The following AQR variants were observed in gnomAD, a reference collection of about 807,000 sequenced individuals.
The protein encoded by AQR is RNA helicase aquarius.
A neutral mutation model predicts 180.5 loss-of-function variants in AQR; 61 were observed. The ratio of observed to expected loss-of-function variants is 0.34; its 90% CI spans 0.28 to 0.42. AQR has a LOEUF of 0.42. Ranked by LOEUF, AQR falls within the 10% of genes least tolerant of loss-of-function variation. AQR has a pLI of 1.00. For synonymous variants in AQR, 551 were observed against 588.8 expected, an observed-to-expected ratio of 0.94 and a Z score of 0.93; for missense variants, 1,281 against 1,798.3, an observed-to-expected ratio of 0.71 and a Z score of 5.20.
At chr15:34,901,736 C>A (rs76580417) in intron 19 of AQR, among the ~76,000 whole-genome samples, 2,760 of 152,294 alleles carry the variant, frequency 0.018, 75 homozygotes, top group African/African-American at 0.058. Flanking sequence ...CAGTACCTGA[C>A]ATTCTCTTGT....
chr15:34,893,848 C>T, intron 22 of AQR, 75 bp from the exon 23 acceptor site: 1 of 1,281,592 alleles, frequency 7.8e-7, no homozygotes. Context: ...ACGTGAAGTA[C>T]AGACCTGAAA....
At chr15:34,939,685 G>A (rs867814360) in intron 8 of AQR, among the ~76,000 whole-genome samples, 3 of 152,036 alleles carry the variant, frequency 2.0e-5, no homozygotes, top group African/African-American at 4.8e-5. Context: ...GAAGGGGAAC[G>A]GCTAAAATCT....
chr15:34,858,735 G>A (rs1892627075), intron 34 of AQR, among the ~76,000 whole-genome samples: 1 of 152,140 alleles, frequency 6.6e-6, no homozygotes, highest in African/African-American at 2.4e-5. Flanking sequence ...CATGGCAAAG[G>A]GACGGATATA....
intron 9 of AQR, 44 bp downstream of exon 9, chr15:34,938,693 C>T: frequency 8.2e-7 from 1 of 1,215,990 alleles, no homozygotes; most frequent in Non-Finnish European, 1.2e-6. Flanking sequence ...ATAGGGGCAG[C>T]TATATGATAA....
chr15:34,907,275 A>T (rs1030265355), intron 17 of AQR, among the ~76,000 whole-genome samples: 1 of 152,266 alleles, frequency 6.6e-6, no homozygotes, highest in African/African-American at 2.4e-5. Context: ...GAACATTTTT[A>T]TAAGTGAATG....
chr15:34,950,138 G>A (rs1187994643), intron 4 of AQR, among the ~76,000 whole-genome samples: 1 of 133,988 alleles, frequency 7.5e-6, no homozygotes, highest in African/African-American at 2.9e-5. Context: ...TTGCCAGGCT[G>A]GAGTGCAATG....
At chr15:34,873,337 A>G (rs1057505278) in intron 30 of AQR, among the ~76,000 whole-genome samples, 12 of 152,140 alleles carry the variant, frequency 7.9e-5, no homozygotes, top group African/African-American at 2.9e-4. Context: ...CCCCAAACCT[A>G]TCCCAACACT....
At chr15:34,963,334 T>C (rs1048591928) in intron 2 of AQR, among the ~76,000 whole-genome samples, 2 of 152,150 alleles carry the variant, frequency 1.3e-5, no homozygotes, top group Non-Finnish European at 2.9e-5. Flanking sequence ...ATTTGGGAAT[T>C]TGTCATATTA....
In AQR at chr15:34,882,772, TTC is replaced by T. The variant is rs1268072120; in HGVS notation, c.3028-135_3028-134del. The T allele has an allele frequency of 4.9e-6, 4 of 816,094 alleles. No homozygotes were observed. In the African/African-American group the frequency reaches 7.1e-5, roughly 14 times the overall value. 50.6% of individuals were successfully genotyped at this position (816,094 alleles called of 1,614,324 possible). A position where few individuals can be genotyped will look rare whatever the true frequency, so the allele number is the denominator to read the frequency against. On this transcript the variant is annotated intron_variant, in intron 26 of 34. Coordinates refer to ENST00000156471, the MANE Select transcript of AQR (RefSeq NM_014691.3). ...ATAAACTAAGCCTAATGAATTATAA[TTC>T]TGTTCATTATGATTTCGGTACTAAT...
At position 34,934,574 on chromosome 15, in the gene AQR, T is replaced by C. The variant is rs1190593884; in HGVS notation, c.780A>G (p.Leu260=). ...AAAGTCACGGTAGATTTCTTACCTC[T>C]AGATCAATCATAAGTTCAATGAATC... ...CERFIELMID[L]EALLPTRRWF... The change falls in exon 10 of 35, where the codon CTA becomes CTG. Residue 260 remains leucine, a synonymous_variant. Transcript: ENST00000156471. The C allele has an allele frequency of 1.3e-6, 2 of 1,592,996 alleles. No individual in the cohort carries two copies. Among genetic ancestry groups the C allele is most frequent in the Admixed American group, 1.8e-5 (1 of 55,280 alleles).
intron 29 of AQR, chr15:34,874,425 A>G (rs561421114): frequency 1.1e-4 from 48 of 452,290 alleles, no homozygotes; most frequent in Non-Finnish European, 1.6e-4. Flanking sequence ...AGAAAGGAGA[A>G]GGGACAATGA....
intron 34 of AQR, among the ~76,000 whole-genome samples, chr15:34,859,715 A>T (rs1206008465): frequency 6.6e-6 from 1 of 152,198 alleles, no homozygotes; most frequent in African/African-American, 2.4e-5. Flanking sequence ...GGACTGGTGA[A>T]GGGCAAGGAG....
intron 9 of AQR, among the ~76,000 whole-genome samples, chr15:34,937,585 A>G (rs897148251): frequency 3.9e-5 from 6 of 152,150 alleles, no homozygotes; most frequent in African/African-American, 1.4e-4. Flanking sequence ...TATTCCACTT[A>G]AAAATATTAA....
chr15:34,877,851 G>A (rs1892909579), intron 27 of AQR, among the ~76,000 whole-genome samples: 4 of 152,106 alleles, frequency 2.6e-5, no homozygotes, highest in South Asian at 2.1e-4. Context: ...GCAGGCCAGG[G>A]ACCAGGCTAG....
chr15:34,914,925 G>T, intron 16 of AQR, 113 bp downstream of exon 16: 1 of 1,117,858 alleles, frequency 8.9e-7, no homozygotes, highest in South Asian at 2.2e-5. Flanking sequence ...TCCTATTTTA[G>T]AGGGCACTTT....
rs1008825384 is a variant in AQR at position 34,961,771 on chromosome 15, C to A, written c.133-957G>T. On this transcript the variant is annotated intron_variant, in intron 2 of 34. Transcript: ENST00000156471. Reference sequence around the variant, plus strand: ...TGGAACTCTTAGGCAAGTGCCTGACCTCTCCAAGCCTCAGTTTCCTTACCC... The same window carrying A: ...TGGAACTCTTAGGCAAGTGCCTGACATCTCCAAGCCTCAGTTTCCTTACCC... 3.3e-5 allele frequency among the ~76,000 whole-genome samples: 5 copies of A among 151,758 alleles called. No homozygotes were observed. In the South Asian group the frequency reaches 1.0e-3, roughly 32 times the overall value.
intron 7 of AQR, 131 bp from the exon 8 acceptor site, chr15:34,941,130 CAT>C (rs1595804850): frequency 1.9e-6 from 1 of 525,294 alleles, no homozygotes; most frequent in Non-Finnish European, 3.3e-6. Context: ...CTGAAAATAA[CAT>C]GACAAACCCT....
intron 13 of AQR, among the ~76,000 whole-genome samples, chr15:34,921,784 T>G (rs879666627): frequency 2.6e-5 from 4 of 151,934 alleles, no homozygotes; most frequent in Non-Finnish European, 4.4e-5. Flanking sequence ...GGAGGTCAAA[T>G]AAATGGAATC....
At chr15:34,917,573 AT>A (rs909178949) in intron 15 of AQR, among the ~76,000 whole-genome samples, 5 of 152,146 alleles carry the variant, frequency 3.3e-5, no homozygotes, top group Admixed American at 3.3e-4. Flanking sequence ...CCTGCTTTAC[AT>A]AGAATTCAAA....
Sources: gnomAD v4.1 joint callset for allele counts (sites outside exome capture counted in the v4.1 genomes callset) on GRCh38, gnomAD v4.1.1 for gene constraint, MANE v1.5 for transcripts, NCBI Gene and HGNC (gene_info 2026-07-23, HGNC 2026-07-21) for gene names.